Variants in ARHGAP32 observed in about 807,000 individuals in gnomAD.
The protein encoded by ARHGAP32 is rho GTPase-activating protein 32.
A neutral mutation model predicts 186.5 loss-of-function variants in ARHGAP32; 51 were observed. The ratio of observed to expected loss-of-function variants is 0.27; its 90% confidence interval spans 0.22 to 0.35. ARHGAP32 has a LOEUF of 0.35. Among genes scored for constraint, ARHGAP32 ranks in the 10% least tolerant of loss-of-function variants. The pLI is 1.00. For missense variants in ARHGAP32, 2,186 were observed against 2,623.5 expected (o/e 0.83, Z 3.64); for synonymous variants, 950 against 964.3 (o/e 0.99, Z 0.27).
At chr11:129,190,357 C>T (rs957761158) in intron 1 of ARHGAP32, among the ~76,000 whole-genome samples, 42 of 152,316 alleles carry the variant, frequency 2.8e-4, no homozygotes, top group African/African-American at 8.7e-4. Context: ...CTTGCCCAGA[C>T]CTCTTTGTTA....
chr11:129,076,015 C>A (rs558930794), intron 6 of ARHGAP32, among the ~76,000 whole-genome samples: 1 of 152,296 alleles, frequency 6.6e-6, no homozygotes, highest in African/African-American at 2.4e-5. Flanking sequence ...CCCGCCAAAA[C>A]CAAGATGGTG....
chr11:128,983,921 A>G (rs1282170174), intron 15 of ARHGAP32, among the ~76,000 whole-genome samples: 4 of 152,216 alleles, frequency 2.6e-5, no homozygotes, highest in African/African-American at 9.6e-5. Context: ...TGTGAATTGT[A>G]TAAAACTTCG....
chr11:129,012,135 C>A (rs993358531), intron 11 of ARHGAP32, among the ~76,000 whole-genome samples: 3 of 152,110 alleles, frequency 2.0e-5, no homozygotes, highest in African/African-American at 7.2e-5. Context: ...AAAAGGACCA[C>A]GTGCTTAGTG....
At chr11:129,252,623 T>A (rs1460933555) in intron 1 of ARHGAP32, among the ~76,000 whole-genome samples, 1 of 152,174 alleles carries the variant, frequency 6.6e-6, no homozygotes, top group Non-Finnish European at 1.5e-5. Flanking sequence ...AAGGTTCAAG[T>A]GTATCTGGAT....
rs117637302 is a variant in ARHGAP32, at chr11:129,170,853, A to G, written c.117-6426T>C. ...TCTATTGTTTCCTGACTTTTTAATA[A>G]TCGCCATCCTGACTGGCGTGAGATG... On this transcript the variant is annotated intron_variant, in intron 1 of 22. Coordinates refer to ENST00000682385, the MANE Select transcript of ARHGAP32 (RefSeq NM_001378024.1). Among the ~76,000 whole-genome samples, 873 of 152,208 alleles carry G rather than the reference A, an allele frequency of 5.7e-3. 5 individuals carry two copies. The highest frequency in any genetic ancestry group is 9.3e-3 in the Non-Finnish European group (634 of 68,002).
rs1361739917 is a variant in ARHGAP32, at chr11:128,991,382, G to T, written c.1196-3257C>A. On this transcript the variant is annotated intron_variant, in intron 12 of 22. Coordinates refer to ENST00000682385, the MANE Select transcript of ARHGAP32 (RefSeq NM_001378024.1). ...ACAAATGAGTCATTTAATACAAATA[G>T]GTGGCAAAATGAAAGAAAAGCATAA... Among the ~76,000 whole-genome samples the T allele has an allele frequency of 2.6e-5, 4 of 152,024 alleles. No individual in the cohort carries two copies. The East Asian group carries it at 7.7e-4, about 29-fold the overall frequency.
chr11:128,990,336 C>G (rs1361573889), intron 12 of ARHGAP32, among the ~76,000 whole-genome samples: 1 of 152,140 alleles, frequency 6.6e-6, no homozygotes, highest in Non-Finnish European at 1.5e-5. Flanking sequence ...TGACTGTGGG[C>G]TCTTCAAGAG....
At chr11:129,149,163 C>G (rs1000268108) in intron 2 of ARHGAP32, among the ~76,000 whole-genome samples, 1 of 152,182 alleles carries the variant, frequency 6.6e-6, no homozygotes, top group Admixed American at 6.5e-5. Context: ...GAAAATGCCA[C>G]CCACAGGCTG....
chr11:129,265,557 G>A (rs1166730866), intron 1 of ARHGAP32, among the ~76,000 whole-genome samples: 1 of 152,174 alleles, frequency 6.6e-6, no homozygotes, highest in African/African-American at 2.4e-5. Flanking sequence ...TTTAAAGTAT[G>A]AATCAATCCC....
intron 1 of ARHGAP32, among the ~76,000 whole-genome samples, chr11:129,208,184 A>G (rs1944539462): frequency 1.3e-5 from 2 of 152,204 alleles, no homozygotes; most frequent in South Asian, 2.1e-4. Context: ...AGGAAAGAGG[A>G]AACAACTTAT....
intron 1 of ARHGAP32, among the ~76,000 whole-genome samples, chr11:129,260,092 A>C (rs1193046524): frequency 2.3e-4 from 35 of 152,174 alleles, no homozygotes; most frequent in Non-Finnish European, 1.5e-5. Flanking sequence ...CCTTCAATGA[A>C]ATGGGCTGCA....
intron 22 of ARHGAP32, chr11:128,971,618 A>G (rs562616179): frequency 1.3e-5 from 2 of 155,902 alleles, no homozygotes; most frequent in African/African-American, 4.8e-5. Flanking sequence ...TAGGGCTTCA[A>G]ACATAGGGAA....
chr11:129,193,340 A>C, upstream of ARHGAP32, among the ~76,000 whole-genome samples: 1 of 89,024 alleles, frequency 1.1e-5, no homozygotes, highest in Non-Finnish European at 2.1e-5. Context: ...GGAAACAGCC[A>C]AGTGTGGTGG....
chr11:129,042,653 T>C (rs532618467), intron 10 of ARHGAP32, among the ~76,000 whole-genome samples: 1 of 152,310 alleles, frequency 6.6e-6, no homozygotes, highest in Admixed American at 6.5e-5. Flanking sequence ...TGGAAAGCGA[T>C]TATAAAAGTC....
chr11:129,052,119 C>A (rs1234290611), intron 10 of ARHGAP32, among the ~76,000 whole-genome samples: 1 of 152,086 alleles, frequency 6.6e-6, no homozygotes, highest in African/African-American at 2.4e-5. Context: ...ATAAAGTTTA[C>A]TTTGGAGACG....
chr11:129,268,012 A>G (rs909537034), intron 1 of ARHGAP32, among the ~76,000 whole-genome samples: 1 of 152,148 alleles, frequency 6.6e-6, no homozygotes, highest in Non-Finnish European at 1.5e-5. Flanking sequence ...TCATGACCCA[A>G]AAACCTCCTA....
chr11:129,158,715 T>C lies in ARHGAP32; in HGVS notation c.225+5604A>G, dbSNP rs117162658. On this transcript the variant is annotated intron_variant, in intron 2 of 22. Coordinates refer to ENST00000682385, the MANE Select transcript of ARHGAP32 (RefSeq NM_001378024.1). ...CCAGCTCTGGATGAAACAGACCTAA[T>C]AGACATTTACAGAACTCTCCACTCC... 2.9e-3 allele frequency among the ~76,000 whole-genome samples: 436 copies of C among 152,246 alleles called. 4 individuals are homozygous for C. The highest frequency in any genetic ancestry group is 0.013 in the East Asian group (65 of 5,184).
intron 6 of ARHGAP32, among the ~76,000 whole-genome samples, chr11:129,074,340 AATG>A (rs1351562634): frequency 1.3e-5 from 2 of 152,190 alleles, no homozygotes; most frequent in African/African-American, 4.8e-5. Flanking sequence ...ATGTAAAATG[AATG>A]ATAGTAATAA....
intron 11 of ARHGAP32, among the ~76,000 whole-genome samples, chr11:129,029,495 T>C (rs1939003164): frequency 6.6e-6 from 1 of 152,098 alleles, no homozygotes; most frequent in Non-Finnish European, 1.5e-5. Flanking sequence ...AAGCTTCCAG[T>C]TGCTCCATTT....
Sources: gnomAD v4.1 joint callset for allele counts (sites outside exome capture counted in the v4.1 genomes callset) on GRCh38, gnomAD v4.1.1 for gene constraint, MANE v1.5 for transcripts, NCBI Gene and HGNC (gene_info 2026-07-23, HGNC 2026-07-21) for gene names.